The following SEMA4D variants were observed in gnomAD, a reference collection of about 807,000 sequenced individuals.
SEMA4D encodes semaphorin 4D.
In SEMA4D, 22 loss-of-function variants were observed where a neutral mutation model predicts 74.8. The observed-to-expected ratio is 0.29, with a 90% CI of 0.21 to 0.42. SEMA4D has a LOEUF of 0.42. Among genes scored for constraint, SEMA4D ranks in the 10% least tolerant of loss-of-function variants. The pLI, the probability that SEMA4D is intolerant of heterozygous loss-of-function variation, is 1.00. For missense variants in SEMA4D, 937 were observed against 1,118.4 expected, an observed-to-expected ratio of 0.84 and a Z score of 2.31; for synonymous variants, 445 against 463.7, an observed-to-expected ratio of 0.96 and a Z score of 0.52.
intron 2 of SEMA4D, chr9:89,450,358 G>A (rs1854065872): frequency 1.0e-6 from 1 of 983,132 alleles, no homozygotes; most frequent in African/African-American, 1.6e-5. Context: ...GCCTTCTTCA[G>A]TGACATGAAA....
In SEMA4D at chr9:89,392,370, T is replaced by G. The variant is rs75284453; in HGVS notation, c.622+53A>C. 4,962 of 1,319,716 alleles carry G rather than the reference T, an allele frequency of 3.8e-3. 138 individuals carry two copies. The African/African-American group carries it at 0.063, about 17-fold the overall frequency. 81.8% of individuals were successfully genotyped at this position (1,319,716 alleles called of 1,614,324 possible). A position where few individuals can be genotyped will look rare whatever the true frequency, so the allele number is the denominator to read the frequency against. On this transcript the variant is annotated intron_variant, in intron 8 of 15. Transcript: ENST00000422704. ...ACAGAAAAGGAGAGATCAACAGGTG[T>G]GCACTCATGAGGAGACACGCACCTC... is the stretch of plus-strand genomic sequence containing the variant.
At chr9:89,372,908 G>A (rs537303144), downstream of SEMA4D, among the ~76,000 whole-genome samples, 6 of 152,240 alleles carry the variant, frequency 3.9e-5, no homozygotes, top group Admixed American at 2.6e-4. Flanking sequence ...AGGGCCATCA[G>A]TGGATCTTTC....
intron 1 of SEMA4D, among the ~76,000 whole-genome samples, chr9:89,469,040 A>C (rs749087247): frequency 3.3e-5 from 5 of 152,164 alleles, no homozygotes; most frequent in African/African-American, 4.8e-5. Flanking sequence ...TGCATTTAAA[A>C]CACTAGCCCT....
intron 2 of SEMA4D, among the ~76,000 whole-genome samples, chr9:89,416,538 C>T (rs1358383959): frequency 6.6e-6 from 1 of 152,184 alleles, no homozygotes; most frequent in Admixed American, 6.5e-5. Flanking sequence ...CAGCCACGGA[C>T]ACACAGGGAC....
At chr9:89,390,599 C>G (rs976943290) in intron 9 of SEMA4D, among the ~76,000 whole-genome samples, 1 of 152,230 alleles carries the variant, frequency 6.6e-6, no homozygotes, top group Non-Finnish European at 1.5e-5. Flanking sequence ...GAAAGGGCCA[C>G]GCAAGAACTA....
chr9:89,484,555 G>A lies in SEMA4D; in HGVS notation c.-310+13364C>T, dbSNP rs200874972. Among the ~76,000 whole-genome samples the A allele has an allele frequency of 3.3e-5, 5 of 151,384 alleles. No homozygotes were observed. The highest frequency in any genetic ancestry group is 3.9e-4 in the East Asian group (2 of 5,128). On this transcript the variant is annotated intron_variant, in intron 1 of 15. Transcript: ENST00000422704. The surrounding 1 kb of genome is among the most constrained non-coding windows in gnomAD (Gnocchi z 4.1). ...CTGGGTGTGTGGGGTGGGGAGGTAC[G>A]TGTATGGTGTGTGTATACATGGTGG...
downstream of SEMA4D, among the ~76,000 whole-genome samples, chr9:89,375,284 G>T (rs1835636885): frequency 6.6e-6 from 1 of 152,192 alleles, no homozygotes; most frequent in African/African-American, 2.4e-5. Context: ...AGGCAAACTA[G>T]CTGGCCGAGG....
intron 2 of SEMA4D, among the ~76,000 whole-genome samples, chr9:89,448,627 C>T (rs1853566030): frequency 6.6e-6 from 1 of 152,246 alleles, no homozygotes; most frequent in Non-Finnish European, 1.5e-5. Context: ...AACCACGAGG[C>T]CTCTGCACAT....
At chr9:89,362,259 G>A (rs933012251) in exon 19 of SEMA4D, 3 of 1,405,160 alleles carry the variant, frequency 2.1e-6, no homozygotes, top group East Asian at 2.3e-5. Context: ...ATCAGGTGGT[G>A]GCCCAATGGC....
At chr9:89,386,341 C>T (rs755330519) in intron 13 of SEMA4D, 26 bp downstream of exon 13, 21 of 1,549,412 alleles carry the variant, frequency 1.4e-5, no homozygotes, top group East Asian at 4.5e-5. Flanking sequence ...GAGAAGCCCC[C>T]GGTCCAGCTG....
At chr9:89,387,313 G>C in intron 12 of SEMA4D, 73 bp downstream of exon 12, 1 of 1,302,556 alleles carries the variant, frequency 7.7e-7, no homozygotes. Flanking sequence ...AGAATAATTG[G>C]ATTTCCCAGT....
chr9:89,473,294 G>T (rs1860883986), intron 1 of SEMA4D, among the ~76,000 whole-genome samples: 1 of 152,142 alleles, frequency 6.6e-6, no homozygotes, highest in South Asian at 2.1e-4. Context: ...AGGAGCAAAG[G>T]CTGGGCACAG....
rs142687627 is a variant in SEMA4D, at chr9:89,415,005, C to T, written c.-243-9306G>A. Among the ~76,000 whole-genome samples the T allele has an allele frequency of 7.4e-3, 1,126 of 152,342 alleles. 13 individuals are homozygous for T. The highest frequency in any genetic ancestry group is 0.026 in the African/African-American group (1,070 of 41,570). ...ACAGGCATCCATCTATCAGCAATGT[C>T]GGCAGGACAAGCGCTATGAGGATGC... On this transcript the variant is annotated intron_variant, in intron 2 of 15. Transcript: ENST00000422704.
intron 6 of SEMA4D, 70 bp from the exon 7 acceptor site, chr9:89,393,725 C>G (rs1370461594): frequency 2.0e-5 from 25 of 1,228,814 alleles, no homozygotes; most frequent in Non-Finnish European, 3.0e-5. Flanking sequence ...TGTCTCTGTA[C>G]CACTTCATTT....
intron 2 of SEMA4D, among the ~76,000 whole-genome samples, chr9:89,420,772 T>C (rs540345387): frequency 1.3e-5 from 2 of 152,358 alleles, no homozygotes; most frequent in South Asian, 4.1e-4. Flanking sequence ...AAGTTGTGTG[T>C]TCCTGAGGGA....
In SEMA4D at chr9:89,377,655, G is replaced by A. The variant is rs1209478811; in HGVS notation, c.*1049C>T. On this transcript the variant is annotated 3_prime_UTR_variant, in exon 16 of 16. Transcript: ENST00000422704. The stretch of plus-strand genomic sequence containing the variant: ...GATAGAAAGTCTGGGCAGGCAGTGG[G>A]TAAGCAATTGAAGCAAGAAGAGAAA... 6.6e-6 allele frequency: 1 copy of A among 152,240 alleles called. No homozygotes were observed. The highest frequency in any genetic ancestry group is 1.5e-5 in the Non-Finnish European group (1 of 68,076). 9.4% of individuals were successfully genotyped at this position (152,240 alleles called of 1,614,324 possible). A position where few individuals can be genotyped will look rare whatever the true frequency, so the allele number is the denominator to read the frequency against.
At chr9:89,496,628 C>T (rs915398967) in intron 1 of SEMA4D, among the ~76,000 whole-genome samples, 2 of 152,210 alleles carry the variant, frequency 1.3e-5, no homozygotes, top group Admixed American at 6.5e-5. Flanking sequence ...CTGACGACTA[C>T]CAAGACATGA....
At chr9:89,462,602 T>C (rs1360879104) in intron 1 of SEMA4D, among the ~76,000 whole-genome samples, 1 of 151,894 alleles carries the variant, frequency 6.6e-6, no homozygotes, top group African/African-American at 2.4e-5. Flanking sequence ...CCAATACCAG[T>C]CTACGGCAAA....
At position 89,381,299 on chromosome 9, in the gene SEMA4D, GGCCTGGACCAC is replaced by G. The variant is rs1289484138; in HGVS notation, c.1483_1493del (p.Val495ProfsTer58). On this transcript the variant is annotated frameshift_variant, in exon 14 of 16. Coordinates refer to ENST00000422704, the MANE Select transcript of SEMA4D (RefSeq NM_001371194.2). LOFTEE classifies it high-confidence loss of function. The surrounding 1 kb of genome is among the most constrained non-coding windows in gnomAD (Gnocchi z 4.6). ...CGTGCTTCCCACAGAAGGCCAGCGGGGCCTGGACCACGCCCGAGTTAGAGCCAGCATAGACA... is the reference window on the plus strand; with the variant it reads ...CGTGCTTCCCACAGAAGGCCAGCGGGGCCCGAGTTAGAGCCAGCATAGACA... The G allele has an allele frequency of 6.4e-7, 1 of 1,559,878 alleles. No individual in the cohort carries two copies. Among genetic ancestry groups the G allele is most frequent in the Non-Finnish European group, 8.7e-7 (1 of 1,149,682 alleles).
Sources: gnomAD v4.1 joint callset for allele counts (sites outside exome capture counted in the v4.1 genomes callset) on GRCh38, gnomAD v4.1.1 for gene constraint, Gnocchi (gnomAD v3.1) non-coding constraint, MANE v1.5 for transcripts, NCBI Gene and HGNC (gene_info 2026-07-23, HGNC 2026-07-21) for gene names.